R3HDM4: variants seen among roughly 807,000 people sequenced by gnomAD.
R3HDM4 encodes R3H domain containing 4, also known as R3H domain-containing protein 4.
In R3HDM4, 30 loss-of-function variants were observed where a neutral mutation model predicts 31.3. The observed-to-expected ratio is 0.96, with a 90% CI of 0.72 to 1.30. The LOEUF (loss-of-function observed/expected upper bound fraction) is 1.30. Ranked by LOEUF, R3HDM4 falls within the 50% of genes most tolerant of loss-of-function variation. R3HDM4 has a pLI of 0.00. For synonymous variants in R3HDM4, 196 were observed against 156.6 expected (o/e 1.25, Z -1.88); for missense variants, 444 against 366.1 (o/e 1.21, Z -1.74).
Position 900,819 on chromosome 19 carries a change from A to G in R3HDM4, c.475+10T>C. 1 of 646,580 alleles carries G rather than the reference A, an allele frequency of 1.5e-6. No individual in the cohort carries two copies. Among genetic ancestry groups the G allele is most frequent in the Admixed American group, 2.9e-5 (1 of 34,320 alleles). The allele number at this position is 646,580 out of a possible 1,614,324, so 40.1% of individuals were successfully genotyped here. On this transcript the variant is annotated intron_variant, in intron 4 of 7. Coordinates refer to ENST00000361574, the MANE Select transcript of R3HDM4 (RefSeq NM_138774.4). ...GGCCCCACCCATACCCGCCCCAGCC[A>G]GGCCCGCACCTCTCCTCCGGTCCTC...
chr19:903,926 C>G (rs942943955), intron 1 of R3HDM4, among the ~76,000 whole-genome samples: 1 of 152,124 alleles, frequency 6.6e-6, no homozygotes, highest in East Asian at 1.9e-4. Flanking sequence ...TGGTGGGCAC[C>G]TGTAATCCCA....
At position 901,354 on chromosome 19, in the gene R3HDM4, G is replaced by A. The variant is rs538016477; in HGVS notation, c.351+68C>T. ...CTTCTGGCGGGGGACGGGCACAGGC[G>A]ATGGCCTGGCCGTAGGAGAACTGCC... is the stretch of plus-strand genomic sequence containing the variant. On this transcript the variant is annotated intron_variant, in intron 3 of 7. Coordinates refer to ENST00000361574, the MANE Select transcript of R3HDM4 (RefSeq NM_138774.4). 62 of 1,528,106 alleles carry A rather than the reference G, an allele frequency of 4.1e-5. No homozygotes were observed. The South Asian group carries it at 5.5e-4, about 13-fold the overall frequency. The allele number at this position is 1,528,106 out of a possible 1,614,324, so 94.7% of individuals were successfully genotyped here. A position where few individuals can be genotyped will look rare whatever the true frequency, so the allele number is the denominator to read the frequency against.
chr19:901,388 C>G (rs753108693), intron 3 of R3HDM4, 34 bp downstream of exon 3: 8 of 1,589,328 alleles, frequency 5.0e-6, no homozygotes, highest in Non-Finnish European at 6.8e-6. Context: ...CCGGGGTCCC[C>G]GTGTGGAGGG....
chr19:899,747 G>C lies in R3HDM4; in HGVS notation c.562-61C>G. On this transcript the variant is annotated intron_variant, in intron 5 of 7. Transcript: ENST00000361574. This position sits in a 1 kb window ranked among gnomAD's most constrained non-coding sequence, Gnocchi z 6.8. ...GACCTGTGGGTGGGGGGCCAGGGAG[G>C]TCCAGGGCCCCCAGGAGCCCACAGC... 3 of 1,360,526 alleles carry C rather than the reference G, an allele frequency of 2.2e-6. No homozygotes were observed. The highest frequency in any genetic ancestry group is 1.4e-5 in the South Asian group (1 of 69,550). 84.3% of individuals were successfully genotyped at this position (1,360,526 alleles called of 1,614,324 possible).
intron 1 of R3HDM4, among the ~76,000 whole-genome samples, chr19:904,972 C>T (rs2036884030): frequency 6.6e-6 from 1 of 151,304 alleles, no homozygotes; most frequent in Admixed American, 6.6e-5. Context: ...TTTGGGAGGC[C>T]AAGGTAGGTG....
chr19:911,115 T>C (rs192501278), intron 1 of R3HDM4, among the ~76,000 whole-genome samples: 1,634 of 141,106 alleles, frequency 0.012, 29 homozygotes, highest in African/African-American at 0.04. Context: ...AGTGAGACTC[T>C]GTCTCAAAAA....
At position 899,530 on chromosome 19, in the gene R3HDM4, C is replaced by G; in HGVS notation, c.648-35G>C. 1 of 1,613,266 alleles carries G rather than the reference C, an allele frequency of 6.2e-7. No individual in the cohort carries two copies. The highest frequency in any genetic ancestry group is 8.5e-7 in the Non-Finnish European group (1 of 1,179,722). On this transcript the variant is annotated intron_variant, in intron 6 of 7. Transcript: ENST00000361574. This position sits in a 1 kb window ranked among gnomAD's most constrained non-coding sequence, Gnocchi z 6.8. ...ACGGGCAGTGAGCGCCGTGCAGGGG[C>G]TGCAGCGTGGGGTGTCCGCCCACCT... is the stretch of plus-strand genomic sequence containing the variant.
At chr19:912,057 G>A (rs1459841600) in intron 1 of R3HDM4, among the ~76,000 whole-genome samples, 1 of 140,886 alleles carries the variant, frequency 7.1e-6, no homozygotes, top group Non-Finnish European at 1.6e-5. Context: ...GGCCCGGGGA[G>A]TGGGGGGGCA....
In R3HDM4 at chr19:900,944, G is replaced by A. The variant is rs763841443; in HGVS notation, c.360C>T (p.Asn120=). 6.3e-6 allele frequency: 10 copies of A among 1,598,542 alleles called. No individual in the cohort carries two copies. The highest frequency in any genetic ancestry group is 1.8e-4 in the Middle Eastern group (1 of 5,638). Residue 120 remains asparagine, a synonymous_variant, in exon 4 of 8, where the codon AAC becomes AAT. Transcript: ENST00000361574. The part of the protein sequence containing the change: ...CNNATYVEVW[N]DFMNRSGEEQ... ...CCTCCCCGGAGCGGTTCATGAAATC[G>A]TTCCAGACCTGGAAGAGAGGCAGGG...
intron 1 of R3HDM4, chr19:902,351 G>A (rs892447193): frequency 3.4e-5 from 19 of 562,086 alleles, no homozygotes; most frequent in Non-Finnish European, 5.7e-5. Context: ...GGCTCATGCC[G>A]GTGATCCCAG....
At chr19:906,544 C>T (rs920569752) in intron 1 of R3HDM4, among the ~76,000 whole-genome samples, 1 of 151,946 alleles carries the variant, frequency 6.6e-6, no homozygotes, top group African/African-American at 2.4e-5. Context: ...ACCTCAGCCC[C>T]CTCTCAAAAA....
At position 910,436 on chromosome 19, in the gene R3HDM4, T is replaced by A. The variant is rs370245920; in HGVS notation, c.71+2651A>T. 5.2e-4 allele frequency among the ~76,000 whole-genome samples: 79 copies of A among 151,622 alleles called. 1 individual carries two copies. In the East Asian group the frequency reaches 9.4e-3, roughly 18 times the overall value. On this transcript the variant is annotated intron_variant, in intron 1 of 7. Transcript: ENST00000361574. ...AGGTGGAGGATGCAGTGAGCTGTGATCAAACCTGGGTGATAGAGTGAGACC... is the reference window on the plus strand; with the variant it reads ...AGGTGGAGGATGCAGTGAGCTGTGAACAAACCTGGGTGATAGAGTGAGACC...
intron 7 of R3HDM4, among the ~76,000 whole-genome samples, chr19:897,993 C>T (rs1394556247): frequency 6.6e-6 from 1 of 152,106 alleles, no homozygotes. Flanking sequence ...CCTGGCCAGG[C>T]GCAGTGGCTC....
At chr19:900,293 G>T (rs1186510690) in intron 4 of R3HDM4, 147 bp from the exon 5 acceptor site, 2 of 610,410 alleles carry the variant, frequency 3.3e-6, no homozygotes, top group Non-Finnish European at 5.6e-6. Context: ...CGATACTGTG[G>T]CCCCATCCAG....
chr19:906,809 T>TTTTTTGTTTTG (rs1555721839), intron 1 of R3HDM4, among the ~76,000 whole-genome samples: 4 of 149,626 alleles, frequency 2.7e-5, no homozygotes, highest in African/African-American at 9.9e-5. Flanking sequence ...ATTTGGGGTT[T>TTTTTTGTTTTG]TTTTGTTTTG....
chr19:903,733 G>A (rs2036867643), intron 1 of R3HDM4, among the ~76,000 whole-genome samples: 1 of 152,170 alleles, frequency 6.6e-6, no homozygotes. Context: ...GCTCCAGCCT[G>A]GACAACAAGA....
rs2036788874 is a variant in R3HDM4 at position 899,172 on chromosome 19, G to A, written c.703+268C>T. 6.6e-6 allele frequency among the ~76,000 whole-genome samples: 1 copy of A among 152,090 alleles called. No individual in the cohort carries two copies. The highest frequency in any genetic ancestry group is 1.5e-5 in the Non-Finnish European group (1 of 68,010). ...TCCAGGCTTCATCACCCCCACCCCG[G>A]GCCCCGAAGATGCAGATGGAGGAGT... On this transcript the variant is annotated intron_variant, in intron 7 of 7. Transcript: ENST00000361574. This position sits in a 1 kb window ranked among gnomAD's most constrained non-coding sequence, Gnocchi z 6.8.
At chr19:905,749 C>T (rs149303052) in intron 1 of R3HDM4, among the ~76,000 whole-genome samples, 90 of 151,422 alleles carry the variant, frequency 5.9e-4, no homozygotes, top group African/African-American at 2.0e-3. Context: ...AGGAAGGGGA[C>T]GGGCAGATAA....
In R3HDM4 at chr19:899,575, C is replaced by G. The variant is rs1228969444; in HGVS notation, c.647+26G>C. The G allele has an allele frequency of 6.2e-7, 1 of 1,612,302 alleles. No individual in the cohort carries two copies. Among genetic ancestry groups the G allele is most frequent in the Admixed American group, 1.7e-5 (1 of 59,884 alleles). ...CCACCTGGCCGCAGCCTCGGAGGGT[C>G]CGCTCGCCTGGCCGCCCCCCCTTAC... On this transcript the variant is annotated intron_variant, in intron 6 of 7. Coordinates refer to ENST00000361574, the MANE Select transcript of R3HDM4 (RefSeq NM_138774.4). The surrounding 1 kb of genome is among the most constrained non-coding windows in gnomAD (Gnocchi z 6.8).
Sources: allele counts gnomAD v4.1 joint callset (sites outside exome capture counted in the v4.1 genomes callset), GRCh38; gene constraint gnomAD v4.1.1; non-coding constraint Gnocchi (gnomAD v3.1); transcripts MANE v1.5; gene names NCBI Gene and HGNC (gene_info 2026-07-23, HGNC 2026-07-21).